The following CDH1 variants were observed in gnomAD, a reference collection of about 807,000 sequenced individuals.
CDH1 encodes cadherin-1.
Under a neutral mutation model 84.5 loss-of-function variants are expected in CDH1, and 35 were observed. The observed-to-expected ratio is 0.41, with a 90% CI of 0.32 to 0.55. CDH1 has a LOEUF of 0.55. Among genes scored for constraint, CDH1 ranks in the 20% least tolerant of loss-of-function variants. The probability of loss-of-function intolerance (pLI) is 0.19; values close to 1 mark genes in which losing one functional copy is unlikely to be tolerated. For missense variants in CDH1, 994 were observed against 1,126.6 expected, an observed-to-expected ratio of 0.88 and a Z score of 1.68; for synonymous variants, 417 against 439.0, an observed-to-expected ratio of 0.95 and a Z score of 0.63.
intron 2 of CDH1, among the ~76,000 whole-genome samples, chr16:68,756,824 G>T (rs778077070): frequency 3.9e-5 from 6 of 152,080 alleles, no homozygotes; most frequent in Non-Finnish European, 8.8e-5. Flanking sequence ...GGCAACAAAG[G>T]GAAACCCTGT....
At chr16:68,757,010 AAAAAC>A (rs1234157478) in intron 2 of CDH1, among the ~76,000 whole-genome samples, 3 of 152,144 alleles carry the variant, frequency 2.0e-5, no homozygotes, top group East Asian at 1.9e-4. Flanking sequence ...CTCAAAAACA[AAAAAC>A]AAAACAAAAC....
In CDH1 at chr16:68,833,974, T is replaced by TA; in HGVS notation, c.*477dup. On this transcript the variant is annotated 3_prime_UTR_variant, in exon 16 of 16. Coordinates refer to ENST00000261769, the MANE Select transcript of CDH1 (RefSeq NM_004360.5). ...TGTCCCTCTGCCTTTTTTTTTTTTT[T>TA]AAGACAGGGTCTCATTCTATCGGCC... 3.1e-6 allele frequency: 1 copy of TA among 318,294 alleles called. No individual in the cohort carries two copies. Among genetic ancestry groups the TA allele is most frequent in the Non-Finnish European group, 5.9e-6 (1 of 169,130 alleles). 19.7% of individuals were successfully genotyped at this position (318,294 alleles called of 1,614,324 possible).
At chr16:68,758,134 T>A (rs576756573) in intron 2 of CDH1, among the ~76,000 whole-genome samples, 57 of 150,704 alleles carry the variant, frequency 3.8e-4, no homozygotes, top group African/African-American at 1.2e-3. Flanking sequence ...TTCTTTTTTT[T>A]CAAATTTTTT....
At chr16:68,768,813 T>C (rs1959461046) in intron 2 of CDH1, among the ~76,000 whole-genome samples, 1 of 152,244 alleles carries the variant, frequency 6.6e-6, no homozygotes. Flanking sequence ...TATGTTGTAA[T>C]ATAAATGCAA....
intron 2 of CDH1, among the ~76,000 whole-genome samples, chr16:68,769,599 G>A (rs1959491790): frequency 1.3e-5 from 2 of 151,900 alleles, no homozygotes; most frequent in Non-Finnish European, 2.9e-5. Context: ...ATGAGCCACT[G>A]TGCCCAACCT....
At chr16:68,763,945 G>T (rs1413653548) in intron 2 of CDH1, among the ~76,000 whole-genome samples, 1 of 152,190 alleles carries the variant, frequency 6.6e-6, no homozygotes, top group African/African-American at 2.4e-5. Flanking sequence ...CAACCTGGGC[G>T]AGAGCAGGTT....
At chr16:68,798,043 C>T (rs1199152209) in intron 2 of CDH1, among the ~76,000 whole-genome samples, 1 of 151,752 alleles carries the variant, frequency 6.6e-6, no homozygotes, top group African/African-American at 2.4e-5. Flanking sequence ...TGCACCATTG[C>T]ACTCCAGCCT....
intron 8 of CDH1, 55 bp from the exon 9 acceptor site, chr16:68,813,258 C>T (rs2152133194): frequency 6.4e-7 from 1 of 1,559,146 alleles, no homozygotes; most frequent in Non-Finnish European, 8.8e-7. Flanking sequence ...CCCTGAGACT[C>T]AGCTCTGCTA....
chr16:68,780,751 G>T (rs924846968), intron 2 of CDH1, among the ~76,000 whole-genome samples: 2 of 152,168 alleles, frequency 1.3e-5, no homozygotes, highest in Non-Finnish European at 2.9e-5. Flanking sequence ...CCTCATTCTC[G>T]TGATTTCATG....
rs876660113 is a variant in CDH1, at chr16:68,822,211, A to G, written c.1922A>G (p.Gln641Arg). Residue 641 changes from glutamine to arginine, a missense_variant, in exon 12 of 16, where the codon CAG becomes CGG. By Grantham distance (43) the Gln-to-Arg change is conservative (BLOSUM62 1). This residue lies in a region of CDH1 where 769 missense variants were observed against 881.8 expected (regional missense o/e 0.87). Transcript: ENST00000261769. Reference sequence around the variant, plus strand: ...GGGGCGAGTGCCAACTGGACCATTCAGTACAACGACCCAAGTGGGTACCTG... The same window carrying G: ...GGGGCGAGTGCCAACTGGACCATTCGGTACAACGACCCAAGTGGGTACCTG... Reference protein sequence around the residue: ...THGASANWTIQYNDPTQESII... With the variant: ...THGASANWTIRYNDPTQESII... The G allele has an allele frequency of 6.2e-7, 1 of 1,613,968 alleles. No individual in the cohort carries two copies.
At chr16:68,771,860 C>A (rs895428780) in intron 2 of CDH1, among the ~76,000 whole-genome samples, 11 of 152,014 alleles carry the variant, frequency 7.2e-5, no homozygotes, top group Admixed American at 7.2e-4. Context: ...GGATTACAGG[C>A]GCGAGCCACC....
intron 15 of CDH1, among the ~76,000 whole-genome samples, chr16:68,831,858 A>G (rs1961493450): frequency 6.6e-6 from 1 of 152,060 alleles, no homozygotes; most frequent in Non-Finnish European, 1.5e-5. Flanking sequence ...TTTTAGATAC[A>G]TCTGGATTCA....
intron 6 of CDH1, among the ~76,000 whole-genome samples, chr16:68,811,311 TGCTTGAACCCGGGA>T (rs1202167640): frequency 1.3e-5 from 2 of 149,938 alleles, no homozygotes; most frequent in Non-Finnish European, 1.5e-5. Context: ...GCAGGAGAAT[TGCTTGAACCCGGGA>T]GACAGAGATT....
intron 13 of CDH1, among the ~76,000 whole-genome samples, chr16:68,826,217 G>A (rs1325818948): frequency 1.3e-5 from 2 of 152,242 alleles, no homozygotes; most frequent in East Asian, 3.9e-4. Context: ...GACACTGGGG[G>A]TGGGGATTCC....
In CDH1 at chr16:68,794,893, C is replaced by T. The variant is rs528382708; in HGVS notation, c.164-6777C>T. On this transcript the variant is annotated intron_variant, in intron 2 of 15. Coordinates refer to ENST00000261769, the MANE Select transcript of CDH1 (RefSeq NM_004360.5). ...ATTTTTAGTAGAGACGGGGTTTCAC[C>T]GTGTTAGCCAGGATGGTCTCGATCT... Among the ~76,000 whole-genome samples the T allele has an allele frequency of 5.9e-5, 9 of 151,594 alleles. 1 individual carries two copies. The South Asian group carries it at 8.4e-4, about 14-fold the overall frequency.
In CDH1 at chr16:68,835,510, A is replaced by C. The variant is rs1460104264; in HGVS notation, c.*2011A>C. On this transcript the variant is annotated 3_prime_UTR_variant, in exon 16 of 16. Coordinates refer to ENST00000261769, the MANE Select transcript of CDH1 (RefSeq NM_004360.5). Reference sequence around the variant, plus strand: ...AAAGTATTCTCAAAGATGCATTTTTATAAATTTTATTAAACAATTTTGTTA... The same window carrying C: ...AAAGTATTCTCAAAGATGCATTTTTCTAAATTTTATTAAACAATTTTGTTA... 3 of 196,126 alleles carry C rather than the reference A, an allele frequency of 1.5e-5. No individual in the cohort carries two copies. Among genetic ancestry groups the C allele is most frequent in the Non-Finnish European group, 3.2e-5 (3 of 94,170 alleles). 12.1% of individuals were successfully genotyped at this position (196,126 alleles called of 1,614,324 possible).
At chr16:68,771,035 C>G (rs1416445733) in intron 2 of CDH1, 1 of 151,848 alleles carries the variant, frequency 6.6e-6, no homozygotes, top group East Asian at 2.0e-4. Flanking sequence ...GCTCTCCCGT[C>G]TTTTGGAAAT....
At chr16:68,740,033 C>G (rs1483687205) in intron 2 of CDH1, among the ~76,000 whole-genome samples, 1 of 152,204 alleles carries the variant, frequency 6.6e-6, no homozygotes, top group Non-Finnish European at 1.5e-5. Context: ...CTTTGTTCCA[C>G]TTGACTGTTG....
At chr16:68,822,305 C>A in intron 12 of CDH1, 80 bp downstream of exon 12, 1 of 941,382 alleles carries the variant, frequency 1.1e-6, no homozygotes, top group Non-Finnish European at 1.7e-6. Flanking sequence ...CTTTCAATTT[C>A]CCTTCTCAAC....
Sources: allele counts gnomAD v4.1 joint callset (sites outside exome capture counted in the v4.1 genomes callset), GRCh38; gene constraint gnomAD v4.1.1; regional missense constraint gnomAD v4.1.1; transcripts MANE v1.5; gene names NCBI Gene and HGNC (gene_info 2026-07-23, HGNC 2026-07-21).